NR2F2: variants seen among roughly 807,000 people sequenced by gnomAD.
NR2F2 encodes COUP transcription factor 2.
A neutral mutation model predicts 34.8 loss-of-function variants in NR2F2; 2 were observed. The ratio of observed to expected loss-of-function variants is 0.06; its 90% confidence interval spans 0.02 to 0.18. The LOEUF (loss-of-function observed/expected upper bound fraction) is 0.18. Ranked by LOEUF, NR2F2 falls within the 10% of genes least tolerant of loss-of-function variation. The pLI is 1.00. For missense variants in NR2F2, 300 were observed against 580.1 expected, an observed-to-expected ratio of 0.52 and a Z score of 4.96; for synonymous variants, 274 against 251.8, an observed-to-expected ratio of 1.09 and a Z score of -0.84.
In NR2F2 at chr15:96,331,496, C is replaced by A; in HGVS notation, c.-610C>A. Reference sequence around the variant, plus strand: ...TTCGATGGCTTTCCTGAATGGCTGACTGTGGGCTGCCCTGGACTTGGCCCC... The same window carrying A: ...TTCGATGGCTTTCCTGAATGGCTGAATGTGGGCTGCCCTGGACTTGGCCCC... On this transcript the variant is annotated 5_prime_UTR_variant, in exon 1 of 3. The change creates a new upstream start codon in the 5' untranslated region. Transcript: ENST00000394166. 3 of 1,231,264 alleles carry A rather than the reference C, an allele frequency of 2.4e-6. No homozygotes were observed. The highest frequency in any genetic ancestry group is 3.0e-6 in the Non-Finnish European group (3 of 987,902). The allele number at this position is 1,231,264 out of a possible 1,614,324, so 76.3% of individuals were successfully genotyped here.
chr15:96,328,764 C>CTTTTTTTTTTTT (rs58051222), upstream of NR2F2, among the ~76,000 whole-genome samples: 1 of 138,748 alleles, frequency 7.2e-6, no homozygotes, highest in African/African-American at 2.6e-5. Flanking sequence ...GTTTGCTGGG[C>CTTTTTTTTTTTT]TTTTTTTTTT....
At chr15:96,330,697 G>A (rs1899108266), upstream of NR2F2, 5 of 198,242 alleles carry the variant, frequency 2.5e-5, no homozygotes, top group South Asian at 7.3e-4. Flanking sequence ...TGAGCTGATC[G>A]CGGAGAAGCC....
chr15:96,329,616 T>C (rs1278068010), upstream of NR2F2, among the ~76,000 whole-genome samples: 1 of 152,192 alleles, frequency 6.6e-6, no homozygotes, highest in African/African-American at 2.4e-5. Flanking sequence ...TCTTTGTCTG[T>C]GTACATTGAC....
At position 96,331,917 on chromosome 15, in the gene NR2F2, C is replaced by G; in HGVS notation, c.-189C>G. 1.7e-6 allele frequency: 2 copies of G among 1,208,572 alleles called. No homozygotes were observed. Among genetic ancestry groups the G allele is most frequent in the African/African-American group, 3.1e-5 (2 of 63,502 alleles). 74.9% of individuals were successfully genotyped at this position (1,208,572 alleles called of 1,614,324 possible). On this transcript the variant is annotated 5_prime_UTR_variant, in exon 1 of 3. Coordinates refer to ENST00000394166, the MANE Select transcript of NR2F2 (RefSeq NM_021005.4). Reference sequence around the variant, plus strand: ...CGACAAAACTTTGCAAAAGCAAAAACAAAAAAGGAAAAACTAACCAACCTC... The same window carrying G: ...CGACAAAACTTTGCAAAAGCAAAAAGAAAAAAGGAAAAACTAACCAACCTC...
At position 96,331,943 on chromosome 15, in the gene NR2F2, A is replaced by G; in HGVS notation, c.-163A>G. The G allele has an allele frequency of 1.7e-6, 2 of 1,206,928 alleles. No individual in the cohort carries two copies. The highest frequency in any genetic ancestry group is 2.1e-6 in the Non-Finnish European group (2 of 972,222). 74.8% of individuals were successfully genotyped at this position (1,206,928 alleles called of 1,614,324 possible). ...AAAAAAGGAAAAACTAACCAACCTC[A>G]ACCAACCAGCCCCCGAGCCACCCGG... is the stretch of plus-strand genomic sequence containing the variant. On this transcript the variant is annotated 5_prime_UTR_variant, in exon 1 of 3. Transcript: ENST00000394166.
rs1355415458 is a variant in NR2F2, at chr15:96,340,231, ATTATAAT to A, written c.*2614_*2620del. 8 of 152,182 alleles carry A rather than the reference ATTATAAT, an allele frequency of 5.3e-5. No homozygotes were observed. Among genetic ancestry groups the A allele is most frequent in the Admixed American group, 5.2e-4 (8 of 15,274 alleles). 9.4% of individuals were successfully genotyped at this position (152,182 alleles called of 1,614,324 possible). On this transcript the variant is annotated 3_prime_UTR_variant, in exon 3 of 3. Transcript: ENST00000394166. ...TGTTGTAAATTATTATTGGCATTAAATTATAATTTATGATTTTCAAAGCAAAAGACAA... is the reference window on the plus strand; with the variant it reads ...TGTTGTAAATTATTATTGGCATTAAATTATGATTTTCAAAGCAAAAGACAA...
upstream of NR2F2, among the ~76,000 whole-genome samples, chr15:96,326,609 C>G (rs1349792885): frequency 2.0e-5 from 3 of 151,740 alleles, no homozygotes; most frequent in Non-Finnish European, 2.9e-5. The surrounding 1 kb of genome is among the most constrained non-coding windows in gnomAD (Gnocchi z 5.5). Context: ...GCAAAGCTGC[C>G]AAAATATGAT....
At position 96,331,522 on chromosome 15, in the gene NR2F2, C is replaced by A; in HGVS notation, c.-584C>A. 4.9e-6 allele frequency: 6 copies of A among 1,230,314 alleles called. No homozygotes were observed. Among genetic ancestry groups the A allele is most frequent in the Non-Finnish European group, 6.1e-6 (6 of 987,326 alleles). 76.2% of individuals were successfully genotyped at this position (1,230,314 alleles called of 1,614,324 possible). A position where few individuals can be genotyped will look rare whatever the true frequency, so the allele number is the denominator to read the frequency against. The stretch of plus-strand genomic sequence containing the variant: ...TGTGGGCTGCCCTGGACTTGGCCCC[C>A]GGACAGTCGCCTCTCCTCCTCCTCT... On this transcript the variant is annotated 5_prime_UTR_variant, in exon 1 of 3. Coordinates refer to ENST00000394166, the MANE Select transcript of NR2F2 (RefSeq NM_021005.4).
chr15:96,331,507 C>T lies in NR2F2; in HGVS notation c.-599C>T. 1 of 1,231,396 alleles carries T rather than the reference C, an allele frequency of 8.1e-7. No homozygotes were observed. Among genetic ancestry groups the T allele is most frequent in the East Asian group, 3.2e-5 (1 of 31,658 alleles). 76.3% of individuals were successfully genotyped at this position (1,231,396 alleles called of 1,614,324 possible). ...TCCTGAATGGCTGACTGTGGGCTGC[C>T]CTGGACTTGGCCCCCGGACAGTCGC... is the stretch of plus-strand genomic sequence containing the variant. On this transcript the variant is annotated 5_prime_UTR_variant, in exon 1 of 3. Coordinates refer to ENST00000394166, the MANE Select transcript of NR2F2 (RefSeq NM_021005.4).
At chr15:96,335,826 T>G (rs923808429) in intron 2 of NR2F2, among the ~76,000 whole-genome samples, 9 of 152,248 alleles carry the variant, frequency 5.9e-5, no homozygotes, top group Non-Finnish European at 1.3e-4. Flanking sequence ...AACTGCTGTC[T>G]TGTACATTGC....
chr15:96,334,927 C>G (rs975113108), intron 2 of NR2F2, among the ~76,000 whole-genome samples: 2 of 152,218 alleles, frequency 1.3e-5, no homozygotes, highest in African/African-American at 4.8e-5. Context: ...CCCAGGCCCC[C>G]CGGGCCTGCT....
chr15:96,330,103 C>A (rs879294686), upstream of NR2F2, among the ~76,000 whole-genome samples: 3 of 152,174 alleles, frequency 2.0e-5, no homozygotes, highest in Non-Finnish European at 4.4e-5. Flanking sequence ...CAGTTCGTGG[C>A]ACCTTCCCAC....
chr15:96,333,471 CCTCT>C (rs1830404537), intron 1 of NR2F2: 23 of 1,003,240 alleles, frequency 2.3e-5, no homozygotes, highest in Admixed American at 6.0e-5. Flanking sequence ...CTTTAGCCGG[CCTCT>C]CTCTCTCCGC....
chr15:96,330,056 C>G (rs749531148), upstream of NR2F2, among the ~76,000 whole-genome samples: 4 of 152,194 alleles, frequency 2.6e-5, no homozygotes, highest in Non-Finnish European at 5.9e-5. Context: ...TCACCCGGAT[C>G]TGGCCAACTC....
At chr15:96,328,657 T>C (rs1899051184), upstream of NR2F2, among the ~76,000 whole-genome samples, 1 of 152,258 alleles carries the variant, frequency 6.6e-6, no homozygotes, top group African/African-American at 2.4e-5. Context: ...GAGAAAGTTA[T>C]ATTGTGTCTC....
upstream of NR2F2, among the ~76,000 whole-genome samples, chr15:96,328,366 G>A (rs141464164): frequency 5.8e-3 from 886 of 152,294 alleles, 7 homozygotes; most frequent in Non-Finnish European, 8.6e-3. Context: ...TCCTTCCCAT[G>A]TTTGTAAAAG....
intron 2 of NR2F2, among the ~76,000 whole-genome samples, chr15:96,334,923 C>T (rs940998431): frequency 3.3e-5 from 5 of 151,250 alleles, no homozygotes; most frequent in African/African-American, 1.2e-4. Context: ...TGAGCCCAGG[C>T]CCCCCGGGCC....
chr15:96,332,935 C>A (rs1190083576), intron 1 of NR2F2, among the ~76,000 whole-genome samples: 19 of 136,984 alleles, frequency 1.4e-4, no homozygotes, highest in African/African-American at 5.3e-4. Context: ...CCAGCCCCCA[C>A]CCTCTCAAAA....
At position 96,339,813 on chromosome 15, in the gene NR2F2, C is replaced by G. The variant is rs1348564088; in HGVS notation, c.*2191C>G. On this transcript the variant is annotated 3_prime_UTR_variant, in exon 3 of 3. Transcript: ENST00000394166. ...TTATTCAAGGTTTCCAACCCACCCCCCCACCGCCAGTACTTCATCATGTTG... is the reference window on the plus strand; with the variant it reads ...TTATTCAAGGTTTCCAACCCACCCCGCCACCGCCAGTACTTCATCATGTTG... The G allele has an allele frequency of 2.0e-5, 3 of 152,058 alleles. No individual in the cohort carries two copies. The highest frequency in any genetic ancestry group is 2.9e-5 in the Non-Finnish European group (2 of 68,024). The allele number at this position is 152,058 out of a possible 1,614,324, so 9.4% of individuals were successfully genotyped here.
Sources: allele counts gnomAD v4.1 joint callset (sites outside exome capture counted in the v4.1 genomes callset), GRCh38; gene constraint gnomAD v4.1.1; non-coding constraint Gnocchi (gnomAD v3.1); transcripts MANE v1.5; gene names NCBI Gene and HGNC (gene_info 2026-07-23, HGNC 2026-07-21).